BRD10: variants seen among roughly 807,000 people sequenced by gnomAD.
BRD10 encodes the protein bromodomain containing 10.
At chr9:5,884,557 G>A in the BRD10 span, among the ~76,000 whole-genome samples, 1 of 152,152 alleles carries the variant, frequency 6.6e-6, no homozygotes, top group Non-Finnish European at 1.5e-5. Context: ...AACTTCCACT[G>A]GACTGGCCTT....
chr9:5,969,102 CTT>C, the BRD10 span: 1 of 1,613,662 alleles, frequency 6.2e-7, no homozygotes, highest in Non-Finnish European at 8.5e-7. Context: ...CACTGTTGTA[CTT>C]TCTGCCTCAG....
the BRD10 span, among the ~76,000 whole-genome samples, chr9:5,969,797 C>A: frequency 6.6e-6 from 1 of 152,140 alleles, no homozygotes; most frequent in Non-Finnish European, 1.5e-5. Flanking sequence ...CCGCCTGCCT[C>A]GGCCTCCCAA....
the BRD10 span, among the ~76,000 whole-genome samples, chr9:5,882,020 G>A: frequency 6.6e-6 from 1 of 152,214 alleles, no homozygotes; most frequent in Admixed American, 6.5e-5. Flanking sequence ...ATGAGAATAT[G>A]AACGGGGAGC....
At chr9:5,918,158 G>C in the BRD10 span, among the ~76,000 whole-genome samples, 1 of 152,182 alleles carries the variant, frequency 6.6e-6, no homozygotes, top group South Asian at 2.1e-4. Flanking sequence ...AAAGTACTTA[G>C]AGCATAAATA....
the BRD10 span, among the ~76,000 whole-genome samples, chr9:6,006,238 A>G: frequency 6.6e-6 from 1 of 152,222 alleles, no homozygotes; most frequent in East Asian, 1.9e-4. Flanking sequence ...TCCTCAAAGC[A>G]ACTCTATGAG....
the BRD10 span, among the ~76,000 whole-genome samples, chr9:5,987,372 C>T: frequency 6.6e-6 from 1 of 152,040 alleles, no homozygotes; most frequent in East Asian, 1.9e-4. Flanking sequence ...CTACTACAGC[C>T]TTCTTCGTAC....
At chr9:6,007,728 T>G in the BRD10 span, 1 of 1,600,172 alleles carries the variant, frequency 6.2e-7, no homozygotes, top group Non-Finnish European at 8.5e-7. Flanking sequence ...CGGCCGCCGG[T>G]GGCGGCCGCT....
At chr9:5,928,394 G>A in the BRD10 span, among the ~76,000 whole-genome samples, 1 of 152,060 alleles carries the variant, frequency 6.6e-6, no homozygotes, top group Non-Finnish European at 1.5e-5. Context: ...ATCAAATCAT[G>A]TCCCTTCCCT....
chr9:5,913,327 G>A, the BRD10 span, among the ~76,000 whole-genome samples: 1 of 152,166 alleles, frequency 6.6e-6, no homozygotes, highest in Non-Finnish European at 1.5e-5. Flanking sequence ...AAGAACAGAA[G>A]GGAGTCTCTA....
At chr9:5,898,561 T>C in the BRD10 span, among the ~76,000 whole-genome samples, 2 of 152,164 alleles carry the variant, frequency 1.3e-5, no homozygotes, top group Admixed American at 6.5e-5. Flanking sequence ...GTTCTACTCA[T>C]AGCAGACTTG....
At chr9:5,923,317 T>A in the BRD10 span, 4 of 1,574,128 alleles carry the variant, frequency 2.5e-6, no homozygotes, top group African/African-American at 4.1e-5. Context: ...CATCTGAAAA[T>A]TATAAAAACG....
the BRD10 span, among the ~76,000 whole-genome samples, chr9:5,984,271 C>T: frequency 2.0e-5 from 3 of 152,076 alleles, no homozygotes; most frequent in Non-Finnish European, 2.9e-5. Flanking sequence ...CATACAATAA[C>T]AGTGTATTGG....
At chr9:5,999,453 T>C in the BRD10 span, among the ~76,000 whole-genome samples, 6 of 152,268 alleles carry the variant, frequency 3.9e-5, no homozygotes, top group East Asian at 9.6e-4. Context: ...TAAGCAAAGC[T>C]GAAAATTAAA....
the BRD10 span, among the ~76,000 whole-genome samples, chr9:6,003,920 C>A: frequency 6.6e-6 from 1 of 152,210 alleles, no homozygotes; most frequent in African/African-American, 2.4e-5. Flanking sequence ...CCCAGTGGGT[C>A]ATCCTGTCTA....
the BRD10 span, among the ~76,000 whole-genome samples, chr9:5,914,580 C>T: frequency 3.3e-5 from 5 of 151,764 alleles, no homozygotes; most frequent in South Asian, 2.1e-4. Context: ...CCCACCACCA[C>T]GCTCGGCTAA....
chr9:5,988,561 G>C, the BRD10 span: 1 of 1,598,116 alleles, frequency 6.3e-7, no homozygotes, highest in East Asian at 2.2e-5. Context: ...AGAAGAATAA[G>C]TCAATTCACA....
the BRD10 span, chr9:5,929,046 G>A: frequency 1.4e-5 from 21 of 1,521,964 alleles, no homozygotes; most frequent in Non-Finnish European, 1.9e-5. Flanking sequence ...AAAATTACCT[G>A]TTTCTTTGGA....
At chr9:5,930,131 TG>T in the BRD10 span, among the ~76,000 whole-genome samples, 1 of 151,376 alleles carries the variant, frequency 6.6e-6, no homozygotes, top group Non-Finnish European at 1.5e-5. Context: ...GTTTTTTTTT[TG>T]TAATGGCTTT....
chr9:5,891,859 G>T, the BRD10 span, among the ~76,000 whole-genome samples: 90 of 152,350 alleles, frequency 5.9e-4, 1 homozygote, highest in African/African-American at 2.1e-3. Context: ...ACAGGCTGAA[G>T]CCCCTGTGTG....
Sources: allele counts gnomAD v4.1 joint callset (sites outside exome capture counted in the v4.1 genomes callset), GRCh38; gene constraint gnomAD v4.1.1; transcripts MANE v1.5; gene names NCBI Gene and HGNC (gene_info 2026-07-23, HGNC 2026-07-21).